CDS1: variants seen among roughly 807,000 people sequenced by gnomAD.
The protein encoded by CDS1 is phosphatidate cytidylyltransferase 1.
In CDS1, 41 loss-of-function variants were observed where a neutral mutation model predicts 62.1. The observed-to-expected ratio is 0.66, with a 90% CI of 0.51 to 0.86. CDS1 has a LOEUF of 0.86. Among genes scored for constraint, CDS1 ranks in the 40% least tolerant of loss-of-function variants. CDS1 has a pLI of 0.00. For missense variants in CDS1, 470 were observed against 550.1 expected, an observed-to-expected ratio of 0.85 and a Z score of 1.46; for synonymous variants, 185 against 192.6, an observed-to-expected ratio of 0.96 and a Z score of 0.32.
chr4:84,609,095 C>T (rs1026502146), intron 2 of CDS1, among the ~76,000 whole-genome samples: 11 of 147,626 alleles, frequency 7.5e-5, no homozygotes, highest in South Asian at 2.1e-4. Flanking sequence ...AGGAGAATGG[C>T]GTGAACCCAG....
intron 5 of CDS1, among the ~76,000 whole-genome samples, chr4:84,622,815 C>T (rs1490004206): frequency 2.0e-5 from 3 of 152,134 alleles, no homozygotes; most frequent in African/African-American, 7.2e-5. Context: ...CCTGTTATAA[C>T]CTACTTTACT....
chr4:84,635,696 T>TTCCCTCCTTCCCTCCC (rs1724184086), intron 8 of CDS1, among the ~76,000 whole-genome samples: 1 of 58,408 alleles, frequency 1.7e-5, no homozygotes, highest in African/African-American at 7.1e-5. Context: ...CCTTCCCTCC[T>TTCCCTCCTTCCCTCCC]TCCCTCCCTC....
At chr4:84,628,453 A>G (rs894385852) in intron 5 of CDS1, among the ~76,000 whole-genome samples, 7 of 152,038 alleles carry the variant, frequency 4.6e-5, no homozygotes, top group Non-Finnish European at 7.4e-5. Context: ...TGTCTCATCT[A>G]TTGGGCTTTT....
At chr4:84,648,439 T>C (rs1014813938) in intron 12 of CDS1, 118 bp from the exon 13 acceptor site, 8 of 894,894 alleles carry the variant, frequency 8.9e-6, no homozygotes, top group African/African-American at 3.4e-5. Context: ...GCTATTTTAA[T>C]TCTGTAAAGA....
At chr4:84,605,390 G>T (rs564182071) in intron 2 of CDS1, among the ~76,000 whole-genome samples, 1 of 151,160 alleles carries the variant, frequency 6.6e-6, no homozygotes, top group African/African-American at 2.4e-5. Context: ...CATAGCCTGC[G>T]ATCTGAAAAC....
At position 84,583,441 on chromosome 4, in the gene CDS1, A is replaced by G. The variant is rs746228566; in HGVS notation, c.40A>G (p.Arg14Gly). The G allele has an allele frequency of 5.0e-6, 8 of 1,593,366 alleles. No individual in the cohort carries two copies. In the South Asian group the frequency reaches 5.6e-5, roughly 11 times the overall value. Reference sequence around the variant, plus strand: ...GCACCGGGGAAGCTGCCCCGGCCCCAGGGAAGCGGTGTCGCCGCCACACCG... The same window carrying G: ...GCACCGGGGAAGCTGCCCCGGCCCCGGGGAAGCGGTGTCGCCGCCACACCG... ...LRHRGSCPGP[R>G]EAVSPPHREG... Residue 14 changes from arginine (R) to glycine (G), a missense_variant, in exon 1 of 13, where the codon AGG (arginine) becomes GGG (glycine). By Grantham distance (125) the Arg-to-Gly change is moderately radical (BLOSUM62 -2). This residue lies in a region of CDS1 where 150 missense variants were observed against 142.0 expected (regional missense o/e 1.06). Transcript: ENST00000295887.
intron 1 of CDS1, among the ~76,000 whole-genome samples, chr4:84,587,431 A>C (rs1321997832): frequency 6.6e-6 from 1 of 152,134 alleles, no homozygotes; most frequent in African/African-American, 2.4e-5. Flanking sequence ...ATCCCCATTT[A>C]ATAGCTGAGA....
intron 2 of CDS1, among the ~76,000 whole-genome samples, chr4:84,607,762 G>T (rs1006193637): frequency 2.6e-5 from 4 of 152,010 alleles, no homozygotes; most frequent in African/African-American, 9.7e-5. Flanking sequence ...GTGAGGACTT[G>T]TGCTTAGAAT....
intron 5 of CDS1, among the ~76,000 whole-genome samples, chr4:84,622,585 T>A (rs891104113): frequency 6.6e-6 from 1 of 152,128 alleles, no homozygotes; most frequent in African/African-American, 2.4e-5. Context: ...AGAGCGAGAC[T>A]CCATCTCAAA....
At chr4:84,624,441 G>A (rs1723794601) in intron 5 of CDS1, among the ~76,000 whole-genome samples, 1 of 151,748 alleles carries the variant, frequency 6.6e-6, no homozygotes, top group South Asian at 2.1e-4. Flanking sequence ...TCCAGAAATT[G>A]TCTGAGTATT....
chr4:84,592,748 A>C (rs185138693), intron 1 of CDS1, among the ~76,000 whole-genome samples: 9 of 152,348 alleles, frequency 5.9e-5, no homozygotes, highest in Admixed American at 5.9e-4. Context: ...CTAAGAAAGC[A>C]GTGTTGCTTT....
intron 1 of CDS1, among the ~76,000 whole-genome samples, chr4:84,600,389 G>A (rs1722899680): frequency 6.6e-6 from 1 of 152,048 alleles, no homozygotes. Flanking sequence ...TTTTTTTGGA[G>A]GATAATAATT....
At chr4:84,592,154 ATTTTTTTTTTT>A (rs72236126) in intron 1 of CDS1, among the ~76,000 whole-genome samples, 15 of 86,044 alleles carry the variant, frequency 1.7e-4, no homozygotes, top group Non-Finnish European at 2.9e-4. Flanking sequence ...TTAATGACCA[ATTTTTTTTTTT>A]TTTTTTTTTT....
chr4:84,635,678 C>A, intron 8 of CDS1, among the ~76,000 whole-genome samples: 1 of 132,028 alleles, frequency 7.6e-6, no homozygotes, highest in East Asian at 2.3e-4. Context: ...TTCCTTCCTT[C>A]CTTCCTTCCT....
chr4:84,612,951 G>A (rs140656637), intron 3 of CDS1, among the ~76,000 whole-genome samples: 1 of 148,558 alleles, frequency 6.7e-6, no homozygotes, highest in African/African-American at 2.5e-5. Context: ...ATCACACCAC[G>A]GCACTCCAGT....
At chr4:84,620,468 T>G (rs960395340) in intron 5 of CDS1, among the ~76,000 whole-genome samples, 3 of 151,934 alleles carry the variant, frequency 2.0e-5, no homozygotes, top group Non-Finnish European at 2.9e-5. Context: ...GTGATTCGCC[T>G]GCCTCAGCCT....
rs191460656 is a variant in CDS1, at chr4:84,647,685, C to T, written c.1257-872C>T. Among the ~76,000 whole-genome samples, 1,179 of 152,210 alleles carry T rather than the reference C, an allele frequency of 7.7e-3. 31 individuals carry two copies. The highest frequency in any genetic ancestry group is 0.013 in the Admixed American group (198 of 15,288). ...TTGAGCCACGTGCATGAAGATGACCCTTGGTGGGATGGCTCATCTGGGCTC... is the reference window on the plus strand; with the variant it reads ...TTGAGCCACGTGCATGAAGATGACCTTTGGTGGGATGGCTCATCTGGGCTC... On this transcript the variant is annotated intron_variant, in intron 12 of 12. Transcript: ENST00000295887.
intron 10 of CDS1, 36 bp from the exon 11 acceptor site, chr4:84,642,988 A>T: frequency 6.3e-7 from 1 of 1,575,320 alleles, no homozygotes; most frequent in Non-Finnish European, 8.7e-7. Context: ...TTTCAGTGAA[A>T]TTAGCCCCTC....
intron 11 of CDS1, 117 bp downstream of exon 11, chr4:84,643,260 C>A: frequency 1.1e-6 from 1 of 894,084 alleles, no homozygotes; most frequent in Non-Finnish European, 1.7e-6. Context: ...CTTTTATATC[C>A]TATTTGTTTC....
Sources: allele counts gnomAD v4.1 joint callset (sites outside exome capture counted in the v4.1 genomes callset), GRCh38; gene constraint gnomAD v4.1.1; regional missense constraint gnomAD v4.1.1; transcripts MANE v1.5; gene names NCBI Gene and HGNC (gene_info 2026-07-23, HGNC 2026-07-21).